TAFA2: variants seen among roughly 807,000 people sequenced by gnomAD.
The protein encoded by TAFA2 is TAFA chemokine like family member 2.
In TAFA2, 7 loss-of-function variants were observed where a neutral mutation model predicts 18.8. The observed-to-expected ratio is 0.37, with a 90% CI of 0.21 to 0.70. TAFA2 has a LOEUF of 0.70. Ranked by LOEUF, TAFA2 falls within the 30% of genes least tolerant of loss-of-function variation. The pLI is 0.53. For missense variants in TAFA2, 122 were observed against 158.1 expected (o/e 0.77, Z 1.23); for synonymous variants, 60 against 54.2 (o/e 1.11, Z -0.47).
chr12:61,890,476 C>T (rs1222912493), intron 1 of TAFA2: 1 of 152,194 alleles, frequency 6.6e-6, no homozygotes, highest in Admixed American at 6.5e-5. Context: ...TCCAAAGGGG[C>T]TAATGAATGT....
intron 2 of TAFA2, among the ~76,000 whole-genome samples, chr12:61,843,421 G>A (rs779651741): frequency 2.6e-5 from 4 of 151,954 alleles, no homozygotes; most frequent in Non-Finnish European, 4.4e-5. Context: ...GGAAAAATTC[G>A]GAACACTATT....
In TAFA2 at chr12:61,972,061, TTTTG is replaced by T. The variant is rs35406037; in HGVS notation, c.-1-104639_-1-104636del. On this transcript the variant is annotated intron_variant, in intron 1 of 4. Coordinates refer to ENST00000416284, the MANE Select transcript of TAFA2 (RefSeq NM_178539.5). ...TAAATGATTTTTGATTTTGTGGGGT[TTTTG>T]TTTGTTTGTTTGTTTTTAACTTTTG... Among the ~76,000 whole-genome samples the T allele has an allele frequency of 1.8e-4, 27 of 151,518 alleles. No homozygotes were observed. In the South Asian group the frequency reaches 2.7e-3, roughly 15 times the overall value.
chr12:61,788,970 C>G (rs1455419524), intron 2 of TAFA2, among the ~76,000 whole-genome samples: 1 of 151,728 alleles, frequency 6.6e-6, no homozygotes, highest in African/African-American at 2.4e-5. Context: ...AAGCGTTTAT[C>G]TTCGCCCACA....
chr12:62,156,078 A>C (rs948590070), intron 1 of TAFA2, among the ~76,000 whole-genome samples: 1 of 152,146 alleles, frequency 6.6e-6, no homozygotes, highest in African/African-American at 2.4e-5. Flanking sequence ...AATCTACAAC[A>C]AACTCAAACA....
At chr12:61,774,373 C>T (rs1219666587) in intron 2 of TAFA2, among the ~76,000 whole-genome samples, 1 of 151,848 alleles carries the variant, frequency 6.6e-6, no homozygotes, top group African/African-American at 2.4e-5. Flanking sequence ...GATACGTGCA[C>T]ATGCATGTTT....
rs547445646 is a variant in TAFA2, at chr12:62,224,383, C to A, written c.-130+34380G>T. On this transcript the variant is annotated intron_variant, in intron 1 of 5. Coordinates refer to the TAFA2 transcript ENST00000551619. ...GGCTGAGAAATCCAAGATCATGGTG[C>A]CAGTAAATTCTGAGTCTGGTGAGTG... is the stretch of plus-strand genomic sequence containing the variant. Among the ~76,000 whole-genome samples the A allele has an allele frequency of 9.9e-5, 15 of 152,054 alleles. No homozygotes were observed. In the South Asian group the frequency reaches 2.5e-3, roughly 25 times the overall value.
intron 4 of TAFA2, among the ~76,000 whole-genome samples, chr12:61,736,960 T>C (rs1015821547): frequency 2.0e-5 from 3 of 152,034 alleles, no homozygotes. Context: ...AGCACTGCAC[T>C]AATTTCTTCA....
chr12:61,739,772 T>G (rs1332171030), intron 4 of TAFA2, among the ~76,000 whole-genome samples: 1 of 152,060 alleles, frequency 6.6e-6, no homozygotes, highest in Non-Finnish European at 1.5e-5. Context: ...TGGCCAGACA[T>G]TTGCCTTCGG....
chr12:61,795,108 A>G (rs1871138336), intron 2 of TAFA2, among the ~76,000 whole-genome samples: 1 of 152,198 alleles, frequency 6.6e-6, no homozygotes. Context: ...GTGGAGAAAT[A>G]GGAACACTTT....
chr12:62,085,704 C>A (rs796723797), intron 1 of TAFA2, among the ~76,000 whole-genome samples: 4 of 152,158 alleles, frequency 2.6e-5, no homozygotes, highest in African/African-American at 9.6e-5. Context: ...AGAATAGGTA[C>A]CATATACCTG....
intron 2 of TAFA2, among the ~76,000 whole-genome samples, chr12:61,788,613 G>T (rs1422539844): frequency 6.6e-6 from 1 of 151,496 alleles, no homozygotes; most frequent in African/African-American, 2.4e-5. Context: ...ACGGAATAAA[G>T]AACTGGGTTT....
At chr12:62,233,066 C>CTTGTTTTTT (rs2062819562) in intron 1 of TAFA2, among the ~76,000 whole-genome samples, 1 of 39,534 alleles carries the variant, frequency 2.5e-5, no homozygotes, top group Non-Finnish European at 4.5e-5. Context: ...TTCTGCATCT[C>CTTGTTTTTT]TTTTTTTTTT....
chr12:61,810,758 A>C (rs1293707810), intron 2 of TAFA2, among the ~76,000 whole-genome samples: 1 of 151,226 alleles, frequency 6.6e-6, no homozygotes, highest in Non-Finnish European at 1.5e-5. Context: ...CTTGGGTCAT[A>C]AGAATCTGCT....
chr12:62,014,248 A>G (rs1174472440), intron 1 of TAFA2, among the ~76,000 whole-genome samples: 1 of 152,220 alleles, frequency 6.6e-6, no homozygotes. Flanking sequence ...TGGCAGCAAG[A>G]TACCAAAATT....
At chr12:61,919,575 C>T (rs1876966291) in intron 1 of TAFA2, among the ~76,000 whole-genome samples, 1 of 152,144 alleles carries the variant, frequency 6.6e-6, no homozygotes, top group Non-Finnish European at 1.5e-5. Flanking sequence ...CTAGCTGATC[C>T]AAGGTAACTT....
intron 1 of TAFA2, among the ~76,000 whole-genome samples, chr12:61,929,769 T>G (rs1877473998): frequency 6.6e-6 from 1 of 151,942 alleles, no homozygotes; most frequent in Non-Finnish European, 1.5e-5. Flanking sequence ...TGTCCAACAA[T>G]GATAGCCTGG....
chr12:62,098,154 C>T (rs1869028700), intron 1 of TAFA2, among the ~76,000 whole-genome samples: 1 of 152,112 alleles, frequency 6.6e-6, no homozygotes, highest in African/African-American at 2.4e-5. Flanking sequence ...TCTATAAACA[C>T]TAAGGAAAGA....
chr12:62,234,674 T>G, intron 1 of TAFA2: 1 of 958,356 alleles, frequency 1.0e-6, no homozygotes, highest in Non-Finnish European at 1.7e-6. Context: ...TATAAGCTTT[T>G]CCGCAGTTCT....
intron 4 of TAFA2, among the ~76,000 whole-genome samples, chr12:61,719,080 T>C (rs1274554137): frequency 2.0e-5 from 3 of 152,170 alleles, no homozygotes; most frequent in African/African-American, 7.2e-5. Context: ...AAGAAAATTA[T>C]GGCAGTTGGG....
Sources: gnomAD v4.1 joint callset for allele counts (sites outside exome capture counted in the v4.1 genomes callset) on GRCh38, gnomAD v4.1.1 for gene constraint, MANE v1.5 for transcripts, NCBI Gene and HGNC (gene_info 2026-07-23, HGNC 2026-07-21) for gene names.